Variants in PRKCA observed in about 807,000 individuals in gnomAD.
PRKCA encodes protein kinase C alpha type.
In PRKCA, 27 loss-of-function variants were observed where a neutral mutation model predicts 87.0. The observed-to-expected ratio is 0.31, with a 90% CI of 0.23 to 0.43. PRKCA has a LOEUF of 0.43. Ranked by LOEUF, PRKCA falls within the 20% of genes least tolerant of loss-of-function variation. PRKCA has a pLI of 1.00. For synonymous variants in PRKCA, 329 were observed against 311.1 expected (o/e 1.06, Z -0.61); for missense variants, 518 against 852.3 (o/e 0.61, Z 4.88).
intron 3 of PRKCA, among the ~76,000 whole-genome samples, chr17:66,509,342 T>G (rs1917123483): frequency 6.6e-6 from 1 of 152,138 alleles, no homozygotes; most frequent in Non-Finnish European, 1.5e-5. Context: ...TCTGAAGGTC[T>G]GGGAGCCAGG....
Position 66,777,904 on chromosome 17 carries a change from C to T in PRKCA, c.1605+3837C>T, listed in dbSNP as rs554782008. 53 of 985,398 alleles carry T rather than the reference C, an allele frequency of 5.4e-5. 1 individual carries two copies. In the South Asian group the frequency reaches 1.8e-3, roughly 34 times the overall value. 61.0% of individuals were successfully genotyped at this position (985,398 alleles called of 1,614,324 possible). A position where few individuals can be genotyped will look rare whatever the true frequency, so the allele number is the denominator to read the frequency against. On this transcript the variant is annotated intron_variant, in intron 14 of 16. Coordinates refer to ENST00000413366, the MANE Select transcript of PRKCA (RefSeq NM_002737.3). The stretch of plus-strand genomic sequence containing the variant: ...CCCGCAGCCTGGCTTCTCCCCTCTC[C>T]AAGCCTTCCTGGGATCTCATTCACT...
At chr17:66,630,570 T>C (rs1003373528) in intron 3 of PRKCA, among the ~76,000 whole-genome samples, 3 of 152,226 alleles carry the variant, frequency 2.0e-5, no homozygotes, top group African/African-American at 7.2e-5. Flanking sequence ...GAATGGCATG[T>C]CCCAAATAGC....
At chr17:66,720,070 A>G (rs1973575847) in intron 8 of PRKCA, among the ~76,000 whole-genome samples, 1 of 152,250 alleles carries the variant, frequency 6.6e-6, no homozygotes, top group Non-Finnish European at 1.5e-5. Context: ...TGCTCATCCC[A>G]GTGGCCGAAG....
chr17:66,781,887 A>ATATATATATATATATAGTGTGT (rs767300220), intron 14 of PRKCA, among the ~76,000 whole-genome samples: 2 of 125,548 alleles, frequency 1.6e-5, no homozygotes. Context: ...ATATATATAT[A>ATATATATATATATATAGTGTGT]GTGTGTGTGT....
At chr17:66,303,616 CAGAG>C (rs900724709) in intron 1 of PRKCA, among the ~76,000 whole-genome samples, 8 of 150,610 alleles carry the variant, frequency 5.3e-5, no homozygotes, top group South Asian at 2.1e-4. Context: ...TCTGAGTGAG[CAGAG>C]AGAGAGAGAG....
chr17:66,502,003 A>G (rs1043537719), intron 3 of PRKCA, among the ~76,000 whole-genome samples: 8 of 152,300 alleles, frequency 5.3e-5, no homozygotes, highest in Admixed American at 2.6e-4. Context: ...GGCTCTTTCC[A>G]GACTTCTTCC....
intron 2 of PRKCA, among the ~76,000 whole-genome samples, chr17:66,429,233 G>T (rs1912976129): frequency 6.6e-6 from 1 of 152,142 alleles, no homozygotes; most frequent in African/African-American, 2.4e-5. Flanking sequence ...TAAGACTTGT[G>T]TTAAGGCTGC....
At chr17:66,435,649 T>C (rs898186599) in intron 2 of PRKCA, among the ~76,000 whole-genome samples, 1 of 151,944 alleles carries the variant, frequency 6.6e-6, no homozygotes, top group Non-Finnish European at 1.5e-5. Flanking sequence ...TGGGAAGATA[T>C]AAAGCACTGA....
chr17:66,725,534 G>A (rs1287887030), intron 8 of PRKCA, among the ~76,000 whole-genome samples: 1 of 152,004 alleles, frequency 6.6e-6, no homozygotes, highest in Non-Finnish European at 1.5e-5. Context: ...GAAGAGGCTG[G>A]GTGTGGTGGC....
At chr17:66,581,604 T>G (rs996218189) in intron 3 of PRKCA, among the ~76,000 whole-genome samples, 1 of 152,144 alleles carries the variant, frequency 6.6e-6, no homozygotes, top group Non-Finnish European at 1.5e-5. Flanking sequence ...GCCTCCCATG[T>G]AGCTGGGACT....
intron 2 of PRKCA, among the ~76,000 whole-genome samples, chr17:66,335,954 C>A (rs561770590): frequency 6.6e-6 from 1 of 152,278 alleles, no homozygotes; most frequent in South Asian, 2.1e-4. Flanking sequence ...TTCAGCCAAG[C>A]ACACTTCCAC....
At chr17:66,382,915 A>G (rs1268807187) in intron 2 of PRKCA, among the ~76,000 whole-genome samples, 2 of 129,226 alleles carry the variant, frequency 1.5e-5, no homozygotes, top group South Asian at 2.4e-4. Context: ...AAATTCTGCA[A>G]GAATCCACCC....
intron 16 of PRKCA, among the ~76,000 whole-genome samples, chr17:66,801,629 T>C (rs1018715151): frequency 7.4e-4 from 113 of 152,330 alleles, no homozygotes; most frequent in Non-Finnish European, 8.8e-5. Flanking sequence ...GTGATGTGAA[T>C]TGCAGATTCT....
chr17:66,610,085 G>T (rs192370814), intron 3 of PRKCA, among the ~76,000 whole-genome samples: 1 of 152,176 alleles, frequency 6.6e-6, no homozygotes, highest in African/African-American at 2.4e-5. Context: ...CTACTCATAA[G>T]TACAGGTTAC....
At chr17:66,723,258 G>A (rs920116380) in intron 8 of PRKCA, among the ~76,000 whole-genome samples, 1 of 152,202 alleles carries the variant, frequency 6.6e-6, no homozygotes, top group East Asian at 1.9e-4. Context: ...GTACAGTCAC[G>A]GAGCAGGTGC....
At chr17:66,787,205 A>G (rs771906940) in intron 15 of PRKCA, 4 of 714,044 alleles carry the variant, frequency 5.6e-6, no homozygotes, top group Admixed American at 1.8e-5. Flanking sequence ...CGAACCTTGT[A>G]GTGTTGCTCC....
chr17:66,755,930 TAGAC>T (rs750351259), intron 13 of PRKCA, among the ~76,000 whole-genome samples: 3 of 152,076 alleles, frequency 2.0e-5, no homozygotes, highest in Non-Finnish European at 2.9e-5. Flanking sequence ...TCCCCAAAAT[TAGAC>T]AGACAGGCAG....
chr17:66,577,810 G>T (rs980528035), intron 3 of PRKCA, among the ~76,000 whole-genome samples: 3 of 152,134 alleles, frequency 2.0e-5, no homozygotes, highest in Non-Finnish European at 4.4e-5. Context: ...TTAGATCAGA[G>T]AATGACACTG....
At chr17:66,715,701 G>C (rs1158734850) in intron 8 of PRKCA, among the ~76,000 whole-genome samples, 4 of 152,178 alleles carry the variant, frequency 2.6e-5, no homozygotes, top group Admixed American at 2.6e-4. Context: ...GCACTTACGT[G>C]AGTGATTCAG....
Sources: gnomAD v4.1 joint callset for allele counts (sites outside exome capture counted in the v4.1 genomes callset) on GRCh38, gnomAD v4.1.1 for gene constraint, MANE v1.5 for transcripts, NCBI Gene and HGNC (gene_info 2026-07-23, HGNC 2026-07-21) for gene names.